The following DSCAML1 variants were observed in gnomAD, a reference collection of about 807,000 sequenced individuals.
DSCAML1 encodes cell adhesion molecule DSCAML1.
A neutral mutation model predicts 200.5 loss-of-function variants in DSCAML1; 38 were observed. That is an observed-to-expected ratio of 0.19 (90% CI 0.15 to 0.25). The LOEUF is 0.25. Among genes scored for constraint, DSCAML1 ranks in the 10% least tolerant of loss-of-function variants. The pLI, the probability that DSCAML1 is intolerant of heterozygous loss-of-function variation, is 1.00. For synonymous variants in DSCAML1, 1,215 were observed against 1,165.0 expected, an observed-to-expected ratio of 1.04 and a Z score of -0.87; for missense variants, 2,223 against 2,858.8, an observed-to-expected ratio of 0.78 and a Z score of 5.07.
At chr11:117,594,210 A>G (rs1431309936) in intron 3 of DSCAML1, among the ~76,000 whole-genome samples, 1 of 152,104 alleles carries the variant, frequency 6.6e-6, no homozygotes, top group South Asian at 2.1e-4. Flanking sequence ...TCCATTTCAG[A>G]GAGAGTTTAT....
chr11:117,746,245 A>AAAAAAAAAAT (rs2054516388), intron 3 of DSCAML1, among the ~76,000 whole-genome samples: 1 of 150,784 alleles, frequency 6.6e-6, no homozygotes, highest in African/African-American at 2.4e-5. Flanking sequence ...AAAAAAAAAA[A>AAAAAAAAAAT]GTGCCTGGCA....
At chr11:117,629,310 T>C (rs11216475) in intron 3 of DSCAML1, among the ~76,000 whole-genome samples, 70,512 of 151,780 alleles carry the variant, frequency 0.46, 17,440 homozygotes, top group Non-Finnish European at 0.54. Context: ...TCCCTGGTGC[T>C]GAGACCTGAG....
intron 3 of DSCAML1, among the ~76,000 whole-genome samples, chr11:117,604,419 C>G (rs1337016025): frequency 2.0e-5 from 3 of 152,004 alleles, no homozygotes; most frequent in African/African-American, 7.2e-5. Context: ...CCTCCCAGCG[C>G]CTGCCCCTCC....
rs568256298 is a variant in DSCAML1, at chr11:117,521,149, A to G, written c.1194T>C (p.Phe398=). The G allele has an allele frequency of 1.4e-5, 22 of 1,612,916 alleles. No homozygotes were observed. The Middle Eastern group carries it at 9.9e-4, about 73-fold the overall frequency. Residue 398 remains phenylalanine (F), a synonymous_variant, in exon 6 of 33, where the codon TTT becomes TTC. Coordinates refer to ENST00000651296, the MANE Select transcript of DSCAML1 (RefSeq NM_020693.4). ...ATRKAQTAQD[F]AIIALEDGTP... ...GCTCACCCTCAAGTGCAATGATGGC[A>G]AAGTCCTGGGCGGTCTGGGCCTTGC...
chr11:117,632,483 C>T (rs1013530005), intron 3 of DSCAML1, among the ~76,000 whole-genome samples: 4 of 152,094 alleles, frequency 2.6e-5, no homozygotes, highest in African/African-American at 9.7e-5. Flanking sequence ...AGTTTCCTGC[C>T]CCTCCCACCA....
At chr11:117,709,833 C>T (rs146503997) in intron 3 of DSCAML1, 202 of 452,638 alleles carry the variant, frequency 4.5e-4, no homozygotes, top group African/African-American at 3.5e-3. Flanking sequence ...AGCCTGGGAC[C>T]GAGGGCAACC....
intron 3 of DSCAML1, among the ~76,000 whole-genome samples, chr11:117,750,498 G>A (rs921369638): frequency 1.3e-5 from 2 of 152,208 alleles, no homozygotes; most frequent in African/African-American, 4.8e-5. Context: ...GTTGGGCAGA[G>A]AAGGATAAAC....
chr11:117,648,518 A>C (rs1260357197), intron 3 of DSCAML1, among the ~76,000 whole-genome samples: 2 of 152,258 alleles, frequency 1.3e-5, no homozygotes, highest in Non-Finnish European at 2.9e-5. Context: ...ACGTGGAAGC[A>C]GTGGGCCCTA....
intron 3 of DSCAML1, among the ~76,000 whole-genome samples, chr11:117,702,579 C>T (rs923356946): frequency 6.6e-6 from 1 of 152,050 alleles, no homozygotes; most frequent in African/African-American, 2.4e-5. Context: ...ATTTATTGCT[C>T]CCTGAAAATG....
At chr11:117,645,531 A>G (rs1400954760) in intron 3 of DSCAML1, among the ~76,000 whole-genome samples, 1 of 152,158 alleles carries the variant, frequency 6.6e-6, no homozygotes, top group Non-Finnish European at 1.5e-5. Flanking sequence ...CTGGATTAAG[A>G]AAATGTGGCA....
intron 3 of DSCAML1, among the ~76,000 whole-genome samples, chr11:117,574,091 A>C (rs957967048): frequency 6.6e-6 from 1 of 152,056 alleles, no homozygotes; most frequent in African/African-American, 2.4e-5. Flanking sequence ...CAGTGTGTCC[A>C]CCCACCCTTC....
In DSCAML1 at chr11:117,713,165, C is replaced by T. The variant is rs561678499; in HGVS notation, c.511+63626G>A. 5.3e-5 allele frequency among the ~76,000 whole-genome samples: 8 copies of T among 152,250 alleles called. No homozygotes were observed. The South Asian group carries it at 1.2e-3, about 24-fold the overall frequency. ...AGGCTAGAATGTAACGGCATGACCT[C>T]GGCTCACTGCGACCTCCACCTTCTG... On this transcript the variant is annotated intron_variant, in intron 3 of 32. Coordinates refer to ENST00000651296, the MANE Select transcript of DSCAML1 (RefSeq NM_020693.4).
chr11:117,582,627 GGCCTGCCAA>G (rs2051062072), intron 3 of DSCAML1, among the ~76,000 whole-genome samples: 1 of 152,206 alleles, frequency 6.6e-6, no homozygotes, highest in Admixed American at 6.5e-5. Flanking sequence ...GGGACCCTCA[GGCCTGCCAA>G]GTGCAAACCA....
intron 26 of DSCAML1, among the ~76,000 whole-genome samples, 177 bp downstream of exon 26, chr11:117,436,945 C>T (rs2137073628): frequency 6.6e-6 from 1 of 152,318 alleles, no homozygotes; most frequent in Middle Eastern, 3.4e-3. Context: ...TACCTGGCTG[C>T]AACAAACCTG....
rs773747809 is a variant in DSCAML1, at chr11:117,521,368, C to A, written c.975G>T (p.Lys325Asn). Residue 325 changes from lysine (K) to asparagine (N), a missense_variant, in exon 6 of 33, where the codon AAG (lysine) becomes AAT (asparagine). By Grantham distance (94) the Lys-to-Asn change is moderately conservative. Around this residue, in one of 7 missense-constraint regions of DSCAML1, gnomAD observed 579 missense variants for 721.5 expected, o/e 0.80. Coordinates refer to ENST00000651296, the MANE Select transcript of DSCAML1 (RefSeq NM_020693.4). ...LHVTLTPKKLKTGIGSTVILS... is the reference protein window; with the variant it reads ...LHVTLTPKKLNTGIGSTVILS... ...GGATGACCGTGCTGCCAATGCCGGT[C>A]TTCAGCTTCTTTGGTGTCAGGGTCA... 4 of 1,613,888 alleles carry A rather than the reference C, an allele frequency of 2.5e-6. No individual in the cohort carries two copies. The African/African-American group carries it at 5.3e-5, about 22-fold the overall frequency.
rs1402468711 is a variant in DSCAML1, at chr11:117,469,771, C to A, written c.3024+139G>T. The A allele has an allele frequency of 2.9e-6, 2 of 687,018 alleles. No homozygotes were observed. Among genetic ancestry groups the A allele is most frequent in the East Asian group, 3.1e-5 (1 of 32,266 alleles). 42.6% of individuals were successfully genotyped at this position (687,018 alleles called of 1,614,324 possible). On this transcript the variant is annotated intron_variant, in intron 16 of 32. Coordinates refer to ENST00000651296, the MANE Select transcript of DSCAML1 (RefSeq NM_020693.4). The surrounding 1 kb of genome is among the most constrained non-coding windows in gnomAD (Gnocchi z 4.1). Reference sequence around the variant, plus strand: ...CTCCCTCTCCTTCCATCTCTCAAATCTCACTAGGTTTAGTGACAAAACAGA... The same window carrying A: ...CTCCCTCTCCTTCCATCTCTCAAATATCACTAGGTTTAGTGACAAAACAGA...
At chr11:117,461,743 T>C in intron 17 of DSCAML1, 147 bp from the exon 18 acceptor site, 1 of 700,542 alleles carries the variant, frequency 1.4e-6, no homozygotes, top group African/African-American at 1.8e-5. Flanking sequence ...TTGAGCATCC[T>C]GATTGTTGGG....
At chr11:117,578,502 C>A (rs2050989961) in intron 3 of DSCAML1, among the ~76,000 whole-genome samples, 2 of 151,568 alleles carry the variant, frequency 1.3e-5, no homozygotes, top group African/African-American at 2.4e-5. Flanking sequence ...AAGACCCCAT[C>A]TCTAAAAATT....
At chr11:117,700,936 GCA>G (rs1249157472) in intron 3 of DSCAML1, among the ~76,000 whole-genome samples, 4 of 152,218 alleles carry the variant, frequency 2.6e-5, no homozygotes, top group Non-Finnish European at 5.9e-5. Flanking sequence ...TCCTAAGACA[GCA>G]CAGACTTTGC....
Sources: gnomAD v4.1 joint callset for allele counts (sites outside exome capture counted in the v4.1 genomes callset) on GRCh38, gnomAD v4.1.1 for gene constraint, gnomAD v4.1.1 regional missense constraint, Gnocchi (gnomAD v3.1) non-coding constraint, MANE v1.5 for transcripts, NCBI Gene and HGNC (gene_info 2026-07-23, HGNC 2026-07-21) for gene names.